SLC29A2: variants seen among roughly 807,000 people sequenced by gnomAD.
SLC29A2 encodes equilibrative nucleoside transporter 2.
Under a neutral mutation model 48.8 loss-of-function variants are expected in SLC29A2, and 37 were observed. The observed-to-expected ratio is 0.76, with a 90% CI of 0.58 to 1.00. The LOEUF (loss-of-function observed/expected upper bound fraction) is 1.00. SLC29A2 is among the 50% of genes least tolerant of loss of function. The pLI, the probability that SLC29A2 is intolerant of heterozygous loss-of-function variation, is 0.00. For synonymous variants in SLC29A2, 233 were observed against 261.7 expected, an observed-to-expected ratio of 0.89 and a Z score of 1.06; for missense variants, 533 against 578.6, an observed-to-expected ratio of 0.92 and a Z score of 0.81.
At chr11:66,368,924 G>A (rs1243724084) in intron 4 of SLC29A2, 136 bp downstream of exon 4, 6 of 1,234,016 alleles carry the variant, frequency 4.9e-6, no homozygotes, top group African/African-American at 1.5e-5. Flanking sequence ...CCCTCCCTGT[G>A]GGCCTCAGTT....
chr11:66,368,774 C>T (rs560098879), intron 4 of SLC29A2, 103 bp from the exon 5 acceptor site: 152 of 1,481,314 alleles, frequency 1.0e-4, no homozygotes, highest in South Asian at 1.5e-4. Flanking sequence ...GACAAGGTTG[C>T]GCAGGTGTGA....
In SLC29A2 at chr11:66,370,155, C is replaced by T. The variant is rs571566374; in HGVS notation, c.112-623G>A. The stretch of plus-strand genomic sequence containing the variant: ...CTGCCTGCCTTTGGCATGGCTGTCG[C>T]CTCGGCCTGGAATGCCCTACTGACC... On this transcript the variant is annotated intron_variant, in intron 2 of 11. Coordinates refer to ENST00000357440, the MANE Select transcript of SLC29A2 (RefSeq NM_001532.3). Among the ~76,000 whole-genome samples, 91 of 152,344 alleles carry T rather than the reference C, an allele frequency of 6.0e-4. 1 individual carries two copies. The highest frequency in any genetic ancestry group is 2.1e-3 in the African/African-American group (86 of 41,574).
chr11:66,363,628 G>T, intron 11 of SLC29A2, 81 bp from the exon 12 acceptor site: 1 of 1,066,860 alleles, frequency 9.4e-7, no homozygotes, highest in Non-Finnish European at 1.4e-6. Context: ...TGCCCATCCA[G>T]TCTGGGCTCT....
At chr11:66,371,927 G>GC (rs1386023564), upstream of SLC29A2, 1 of 413,298 alleles carries the variant, frequency 2.4e-6, no homozygotes, top group Admixed American at 4.4e-5. Context: ...CCTCCCCGCA[G>GC]CCCCCCGTCC....
Position 66,371,571 on chromosome 11 carries a change from C to T in SLC29A2, c.21G>A (p.Pro7=), listed in dbSNP as rs1425094301. 5.8e-6 allele frequency: 9 copies of T among 1,550,078 alleles called. No homozygotes were observed. Among genetic ancestry groups the T allele is most frequent in the Admixed American group, 3.9e-5 (2 of 51,382 alleles). Residue 7 remains proline (P), a synonymous_variant, in exon 1 of 12, where the codon CCG becomes CCA. Transcript: ENST00000357440. ...CACCCGGGCCCACTCACCTGTCCCG[C>T]GGGGCGTCTCCTCGCGCCATGGCCG... The part of the protein sequence containing the change: MARGDA[P]RDSYHLVGIS...
chr11:66,367,223 C>T (rs1286011739), intron 7 of SLC29A2, among the ~76,000 whole-genome samples: 3 of 152,172 alleles, frequency 2.0e-5, no homozygotes, highest in Non-Finnish European at 2.9e-5. Flanking sequence ...CAGAGGTCTT[C>T]GGATCCAAAG....
rs965001186 is a variant in SLC29A2 at position 66,371,239 on chromosome 11, C to T, written c.111+5G>A. 5 of 1,612,842 alleles carry T rather than the reference C, an allele frequency of 3.1e-6. No individual in the cohort carries two copies. The highest frequency in any genetic ancestry group is 3.4e-6 in the Non-Finnish European group (4 of 1,179,314). On this transcript the variant is annotated splice_donor_5th_base_variant and intron_variant, in intron 2 of 11. Coordinates refer to ENST00000357440, the MANE Select transcript of SLC29A2 (RefSeq NM_001532.3). ...ACGAGGCTGCCACGCCGCCAGGAGTCTCACCGGGATGGCGGTGATGAAGAA... is the reference window on the plus strand; with the variant it reads ...ACGAGGCTGCCACGCCGCCAGGAGTTTCACCGGGATGGCGGTGATGAAGAA...
intron 10 of SLC29A2, chr11:66,364,627 C>A: frequency 1.8e-6 from 1 of 551,760 alleles, no homozygotes; most frequent in Admixed American, 3.1e-5. Flanking sequence ...GCTTCAGCCT[C>A]CTGAGTAGCT....
chr11:66,369,512 G>C lies in SLC29A2; in HGVS notation c.132C>G (p.Ala44=). Residue 44 remains alanine, a synonymous_variant, in exon 3 of 12, where the codon GCC becomes GCG. Coordinates refer to ENST00000357440, the MANE Select transcript of SLC29A2 (RefSeq NM_001532.3). ...TCCTGGCTGTGCTGTTGCCGGCCCC[G>C]GCCAGTCGCGCCTGGAAGTACTGCC... ...TAIPYFQARL[A]GAGNSTARIL... 1 of 1,613,852 alleles carries C rather than the reference G, an allele frequency of 6.2e-7. No homozygotes were observed.
rs1855765458 is a variant in SLC29A2 at position 66,367,456 on chromosome 11, G to A, written c.733+8C>T. On this transcript the variant is annotated splice_region_variant and intron_variant, in intron 7 of 11. Transcript: ENST00000357440. ...CTCCCACCTCCCCAGGAGGGTCTCA[G>A]GGCTTACCAGACTGGAGGAGCTCAG... 1 of 1,613,588 alleles carries A rather than the reference G, an allele frequency of 6.2e-7. No homozygotes were observed. The highest frequency in any genetic ancestry group is 8.5e-7 in the Non-Finnish European group (1 of 1,179,490).
chr11:66,367,440 C>T, intron 7 of SLC29A2, 24 bp downstream of exon 7: 1 of 1,607,844 alleles, frequency 6.2e-7, no homozygotes, highest in Non-Finnish European at 8.5e-7. Flanking sequence ...TCTCCCACCT[C>T]CCCAGGAGGG....
At chr11:66,370,404 G>C (rs1730716747) in intron 2 of SLC29A2, among the ~76,000 whole-genome samples, 1 of 152,206 alleles carries the variant, frequency 6.6e-6, no homozygotes, top group Non-Finnish European at 1.5e-5. Context: ...CACAGAGCCA[G>C]TACCCAAGAA....
intron 10 of SLC29A2, chr11:66,364,678 T>TG: frequency 2.4e-6 from 1 of 415,020 alleles, no homozygotes; most frequent in Non-Finnish European, 4.4e-6. Flanking sequence ...CAGATAATTT[T>TG]TATATTTTTA....
intron 4 of SLC29A2, among the ~76,000 whole-genome samples, 179 bp from the exon 5 acceptor site, chr11:66,368,850 C>T (rs549130536): frequency 6.6e-6 from 1 of 152,356 alleles, no homozygotes; most frequent in East Asian, 1.9e-4. Context: ...TGAGGTGCAG[C>T]CATTGGTCTG....
At position 66,366,152 on chromosome 11, in the gene SLC29A2, G is replaced by C; in HGVS notation, c.947C>G (p.Thr316Ser). Residue 316 changes from threonine to serine, a missense_variant, in exon 9 of 12, where the codon ACC becomes AGC. Coordinates refer to ENST00000357440, the MANE Select transcript of SLC29A2 (RefSeq NM_001532.3). Reference sequence around the variant, plus strand: ...CCACTTCCCAGGACTGGTGGAGCTGGTCACCATGGCTGTGATGGCGGGGAA... The same window carrying C: ...CCACTTCCCAGGACTGGTGGAGCTGCTCACCATGGCTGTGATGGCGGGGAA... Reference protein sequence around the residue: ...SVFPAITAMVTSSTSPGKWSQ... With the variant: ...SVFPAITAMVSSSTSPGKWSQ... 6.2e-7 allele frequency: 1 copy of C among 1,614,136 alleles called. No homozygotes were observed. Among genetic ancestry groups the C allele is most frequent in the Non-Finnish European group, 8.5e-7 (1 of 1,179,996 alleles).
At chr11:66,366,588 G>T (rs761943170) in intron 7 of SLC29A2, 24 bp from the exon 8 acceptor site, 1 of 1,610,224 alleles carries the variant, frequency 6.2e-7, no homozygotes, top group Non-Finnish European at 8.5e-7. Context: ...GGACGGGGAA[G>T]GGTCATGCTT....
chr11:66,364,940 G>C (rs1197537480), intron 10 of SLC29A2: 4 of 154,190 alleles, frequency 2.6e-5, no homozygotes, highest in African/African-American at 7.3e-5. Flanking sequence ...TCGGATTTTA[G>C]GGGTTTTTTT....
chr11:66,367,216 A>ATTCCAATTT (rs1265708694), intron 7 of SLC29A2, among the ~76,000 whole-genome samples: 2 of 152,186 alleles, frequency 1.3e-5, no homozygotes, highest in African/African-American at 2.4e-5. Context: ...TCCAATTCAG[A>ATTCCAATTT]GGTCTTCGGA....
chr11:66,364,672 T>G, intron 10 of SLC29A2: 1 of 423,042 alleles, frequency 2.4e-6, no homozygotes, highest in African/African-American at 2.0e-5. Context: ...CATGCCCAGA[T>G]AATTTTTATA....
Sources: gnomAD v4.1 joint callset for allele counts (sites outside exome capture counted in the v4.1 genomes callset) on GRCh38, gnomAD v4.1.1 for gene constraint, MANE v1.5 for transcripts, NCBI Gene and HGNC (gene_info 2026-07-23, HGNC 2026-07-21) for gene names.